DNAH9: variants seen among roughly 807,000 people sequenced by gnomAD.
DNAH9 encodes DNAH9 variant protein.
A neutral mutation model predicts 471.6 loss-of-function variants in DNAH9; 345 were observed. That is an observed-to-expected ratio of 0.73 (90% CI 0.67 to 0.80). DNAH9 has a LOEUF of 0.80. Ranked by LOEUF, DNAH9 falls within the 30% of genes least tolerant of loss-of-function variation. DNAH9 has a pLI of 0.00. For synonymous variants in DNAH9, 2,093 were observed against 2,123.6 expected (o/e 0.99, Z 0.40); for missense variants, 5,407 against 5,609.2 (o/e 0.96, Z 1.15).
intron 56 of DNAH9, 73 bp downstream of exon 56, chr17:11,883,823 C>A (rs764767816): frequency 4.6e-5 from 68 of 1,487,196 alleles, no homozygotes; most frequent in Non-Finnish European, 5.5e-5. Flanking sequence ...TCCTCTTAGA[C>A]AATGAGTCTG....
chr17:11,671,487 G>A (rs2073971704), intron 17 of DNAH9, among the ~76,000 whole-genome samples: 3 of 152,162 alleles, frequency 2.0e-5, no homozygotes, highest in African/African-American at 4.8e-5. Context: ...AGCAGGCTCA[G>A]GATTGGCGAG....
intron 4 of DNAH9, chr17:11,611,984 T>C: frequency 1.6e-6 from 1 of 618,218 alleles, no homozygotes; most frequent in Non-Finnish European, 2.9e-6. Flanking sequence ...TCCACTGCTG[T>C]ATGGCCTGGG....
intron 12 of DNAH9, among the ~76,000 whole-genome samples, chr17:11,647,605 G>A (rs959227317): frequency 3.9e-5 from 6 of 152,142 alleles, no homozygotes; most frequent in Admixed American, 6.5e-5. Context: ...AACAAACATA[G>A]CCCACTGGGC....
intron 45 of DNAH9, among the ~76,000 whole-genome samples, chr17:11,818,499 A>G (rs999790696): frequency 6.6e-6 from 1 of 152,110 alleles, no homozygotes; most frequent in African/African-American, 2.4e-5. Context: ...CATCACTAAC[A>G]TTCCTATGAT....
intron 61 of DNAH9, among the ~76,000 whole-genome samples, chr17:11,916,668 T>G (rs763888125): frequency 9.9e-5 from 15 of 152,240 alleles, no homozygotes; most frequent in Non-Finnish European, 1.3e-4. Flanking sequence ...ACTGTCTTCC[T>G]CCGTTTAGAC....
intron 6 of DNAH9, among the ~76,000 whole-genome samples, chr17:11,627,142 G>A (rs2072984007): frequency 6.6e-6 from 1 of 152,100 alleles, no homozygotes; most frequent in African/African-American, 2.4e-5. Context: ...ACCTTGAGTT[G>A]AGCCCCAGAT....
At chr17:11,918,241 TTTTGTTTTGA>T (rs1367291478) in intron 61 of DNAH9, among the ~76,000 whole-genome samples, 9 of 140,362 alleles carry the variant, frequency 6.4e-5, no homozygotes, top group Non-Finnish European at 1.1e-4. Context: ...TTTTGTTTTG[TTTTGTTTTGA>T]GACAGGCTCT....
At chr17:11,792,206 G>A (rs200257154) in intron 41 of DNAH9, among the ~76,000 whole-genome samples, 2 of 152,114 alleles carry the variant, frequency 1.3e-5, no homozygotes, top group Non-Finnish European at 2.9e-5. Flanking sequence ...CCTGGGAGGC[G>A]GAGGTTGCAG....
intron 53 of DNAH9, among the ~76,000 whole-genome samples, chr17:11,876,868 C>T (rs1366901673): frequency 3.9e-5 from 6 of 152,042 alleles, no homozygotes; most frequent in African/African-American, 9.7e-5. Context: ...GGACTACAGG[C>T]GCCCACCACC....
intron 31 of DNAH9, among the ~76,000 whole-genome samples, chr17:11,747,275 A>G (rs1276011212): frequency 6.6e-6 from 1 of 152,196 alleles, no homozygotes; most frequent in Non-Finnish European, 1.5e-5. Flanking sequence ...ATCACACTAT[A>G]AGATCACAGA....
At chr17:11,824,892 CCTCCTT>C (rs1056216813) in intron 48 of DNAH9, among the ~76,000 whole-genome samples, 8 of 147,228 alleles carry the variant, frequency 5.4e-5, no homozygotes, top group Non-Finnish European at 1.2e-4. Flanking sequence ...TCCTTCTCCT[CCTCCTT>C]CTCCTCTTCC....
chr17:11,864,370 C>T (rs1234457252), intron 50 of DNAH9, among the ~76,000 whole-genome samples: 3 of 152,204 alleles, frequency 2.0e-5, no homozygotes, highest in African/African-American at 4.8e-5. Context: ...AGTTTGACTG[C>T]ACTATGGTCT....
chr17:11,969,407 C>T lies in DNAH9; in HGVS notation c.13341C>T (p.Ser4447=). ...AGCAGGACTGCCGCAGTGTCTATTCCTGTCCTGTGTACAAGACTAGTCAGC... is the reference window on the plus strand; with the variant it reads ...AGCAGGACTGCCGCAGTGTCTATTCTTGTCCTGTGTACAAGACTAGTCAGC... ...ADKQDCRSVY[S]CPVYKTSQRG... is the part of the protein sequence containing the mutation. The change falls in exon 69 of 69, where the codon TCC becomes TCT. Residue 4447 remains serine (S), a synonymous_variant. Transcript: ENST00000262442. 3.7e-6 allele frequency: 6 copies of T among 1,614,114 alleles called. No individual in the cohort carries two copies. The highest frequency in any genetic ancestry group is 1.3e-5 in the African/African-American group (1 of 75,024).
At position 11,632,666 on chromosome 17, in the gene DNAH9, CT is replaced by C; in HGVS notation, c.1602del (p.Phe534LeufsTer14). ...DRRLGTIFIQ[A>X]FDDAPGLEHA... ...AGATTGGGGACTATCTTTATTCAAGCTTTTGATGATGCACCTGGCTTGGAGC... is the reference window on the plus strand; with the variant it reads ...AGATTGGGGACTATCTTTATTCAAGCTTTGATGATGCACCTGGCTTGGAGC... On this transcript the variant is annotated frameshift_variant, in exon 8 of 69. Coordinates refer to ENST00000262442, the MANE Select transcript of DNAH9 (RefSeq NM_001372.4). LOFTEE classifies it high-confidence loss of function. 1 of 1,609,306 alleles carries C rather than the reference CT, an allele frequency of 6.2e-7. No individual in the cohort carries two copies. The highest frequency in any genetic ancestry group is 8.5e-7 in the Non-Finnish European group (1 of 1,175,718).
At chr17:11,706,879 C>T (rs1264343618) in intron 26 of DNAH9, among the ~76,000 whole-genome samples, 2 of 152,088 alleles carry the variant, frequency 1.3e-5, no homozygotes, top group East Asian at 3.8e-4. Flanking sequence ...AAGATATGTT[C>T]CTGGAAGAGG....
At chr17:11,850,809 G>GTCTCTTTCCCT in intron 49 of DNAH9, among the ~76,000 whole-genome samples, 1 of 152,138 alleles carries the variant, frequency 6.6e-6, no homozygotes, top group East Asian at 1.9e-4. Context: ...TGGATAAAAA[G>GTCTCTTTCCCT]TCTCTTTCCC....
chr17:11,818,428 T>TTTTTA (rs1038528871), intron 45 of DNAH9, among the ~76,000 whole-genome samples: 4 of 139,896 alleles, frequency 2.9e-5, no homozygotes, highest in African/African-American at 1.0e-4. Context: ...ACTCCGTATT[T>TTTTTA]AAAAAAAAAA....
chr17:11,728,474 T>C (rs2075195051), intron 28 of DNAH9, among the ~76,000 whole-genome samples: 1 of 150,844 alleles, frequency 6.6e-6, no homozygotes, highest in Non-Finnish European at 1.5e-5. Flanking sequence ...TAGTAAGTGT[T>C]ATGCAAAAGA....
At chr17:11,660,319 C>CTTT (rs1208889792) in intron 14 of DNAH9, among the ~76,000 whole-genome samples, 475 of 97,494 alleles carry the variant, frequency 4.9e-3, no homozygotes, top group Non-Finnish European at 6.8e-3. Context: ...TTAAATGTTT[C>CTTT]TTTTTTTTTT....
Sources: allele counts gnomAD v4.1 joint callset (sites outside exome capture counted in the v4.1 genomes callset), GRCh38; gene constraint gnomAD v4.1.1; transcripts MANE v1.5; gene names NCBI Gene and HGNC (gene_info 2026-07-23, HGNC 2026-07-21).